Variants in LGALS2 observed in about 807,000 individuals in gnomAD.
LGALS2 encodes the protein galectin 2.
A neutral mutation model predicts 10.1 loss-of-function variants in LGALS2; 7 were observed. The observed-to-expected ratio is 0.70, with a 90% CI of 0.40 to 1.31. The LOEUF is 1.31. Among genes scored for constraint, LGALS2 ranks in the 50% most tolerant of loss-of-function variants. The probability of loss-of-function intolerance (pLI) is 0.01; values close to 1 mark genes in which losing one functional copy is unlikely to be tolerated. For missense variants in LGALS2, 167 were observed against 163.6 expected, an observed-to-expected ratio of 1.02 and a Z score of -0.11; for synonymous variants, 86 against 64.2, an observed-to-expected ratio of 1.34 and a Z score of -1.63.
chr22:37,575,600 A>T (rs1329900631), intron 1 of LGALS2, among the ~76,000 whole-genome samples: 1 of 150,574 alleles, frequency 6.6e-6, no homozygotes, highest in Non-Finnish European at 1.5e-5. Flanking sequence ...AGCCTGGACC[A>T]CAGGCATCCC....
intron 1 of LGALS2, among the ~76,000 whole-genome samples, chr22:37,579,681 G>A (rs1009869873): frequency 1.3e-5 from 2 of 152,252 alleles, no homozygotes; most frequent in African/African-American, 4.8e-5. Context: ...TGATCCACCA[G>A]CCTCGGCCTC....
intron 1 of LGALS2, among the ~76,000 whole-genome samples, chr22:37,572,622 C>T (rs1471700307): frequency 6.6e-6 from 1 of 151,818 alleles, no homozygotes; most frequent in Non-Finnish European, 1.5e-5. Flanking sequence ...AAAAAGTTAG[C>T]CGGGTGTGGT....
At chr22:37,573,412 G>C (rs1291572251) in intron 1 of LGALS2, among the ~76,000 whole-genome samples, 1 of 152,172 alleles carries the variant, frequency 6.6e-6, no homozygotes, top group Non-Finnish European at 1.5e-5. Flanking sequence ...AAAAACAGTT[G>C]ATAGCCTGGG....
At chr22:37,577,291 C>A (rs1187508860) in intron 1 of LGALS2, among the ~76,000 whole-genome samples, 1 of 151,998 alleles carries the variant, frequency 6.6e-6, no homozygotes, top group Non-Finnish European at 1.5e-5. Flanking sequence ...TCCTGCATCC[C>A]CCCTGCACTT....
At chr22:37,573,864 G>A (rs1278076660) in intron 1 of LGALS2, among the ~76,000 whole-genome samples, 1 of 151,810 alleles carries the variant, frequency 6.6e-6, no homozygotes, top group Non-Finnish European at 1.5e-5. Flanking sequence ...CCGAGTAGCT[G>A]GGACTACAGG....
chr22:37,578,503 A>AT (rs1015908159), intron 1 of LGALS2, among the ~76,000 whole-genome samples: 15 of 151,906 alleles, frequency 9.9e-5, no homozygotes, highest in East Asian at 3.9e-4. Context: ...CCAAGCTGAG[A>AT]TTTTTTTTTA....
intron 1 of LGALS2, among the ~76,000 whole-genome samples, chr22:37,574,371 C>G (rs936667245): frequency 2.0e-5 from 3 of 152,040 alleles, no homozygotes; most frequent in African/African-American, 7.2e-5. Context: ...CAAAAATTAG[C>G]CGGGTGTGGT....
chr22:37,572,825 T>C (rs1472678803), intron 1 of LGALS2, among the ~76,000 whole-genome samples: 1 of 145,914 alleles, frequency 6.9e-6, no homozygotes, highest in East Asian at 2.0e-4. Flanking sequence ...AAATAAATTA[T>C]CTGCGCATGG....
At chr22:37,571,389 C>T (rs1326060943) in intron 2 of LGALS2, among the ~76,000 whole-genome samples, 1 of 152,218 alleles carries the variant, frequency 6.6e-6, no homozygotes, top group Non-Finnish European at 1.5e-5. Context: ...GACTGTGACT[C>T]ACGGAGGTGG....
In LGALS2 at chr22:37,579,967, T is replaced by C. The variant is rs1358646722; in HGVS notation, c.-62A>G. ...GGAGGCCTGTGCTCAGGGTCTCAACTCGTGGTCAAGCTTATATCCTAGAAT... is the reference window on the plus strand; with the variant it reads ...GGAGGCCTGTGCTCAGGGTCTCAACCCGTGGTCAAGCTTATATCCTAGAAT... On this transcript the variant is annotated 5_prime_UTR_variant, in exon 1 of 4. Coordinates refer to ENST00000215886, the MANE Select transcript of LGALS2 (RefSeq NM_006498.3). The C allele has an allele frequency of 1.3e-6, 2 of 1,592,446 alleles. No homozygotes were observed. Among genetic ancestry groups the C allele is most frequent in the Non-Finnish European group, 1.7e-6 (2 of 1,163,618 alleles).
rs1925453826 is a variant in LGALS2 at position 37,570,338 on chromosome 22, C to G, written c.324G>C (p.Arg108Ser). 2 of 1,613,978 alleles carry G rather than the reference C, an allele frequency of 1.2e-6. No individual in the cohort carries two copies. The highest frequency in any genetic ancestry group is 1.3e-5 in the African/African-American group (1 of 74,916). The change falls in exon 4 of 4, where the codon AGG becomes AGC. Residue 108 changes from arginine to serine, a missense_variant. Transcript: ENST00000215886. ...GGTAGCTCAGGTGGCTGTGACCCAG[C>G]CTGTTGGGAAAAGTCAGCTCGTGCC... ...PDGHELTFPN[R>S]LGHSHLSYLS...
chr22:37,576,841 A>G (rs771195491), intron 1 of LGALS2, among the ~76,000 whole-genome samples: 5 of 152,196 alleles, frequency 3.3e-5, no homozygotes, highest in Non-Finnish European at 7.3e-5. Flanking sequence ...AAGCACTCGG[A>G]AGTCCAGGGT....
At chr22:37,579,534 G>C (rs9610809) in intron 1 of LGALS2, among the ~76,000 whole-genome samples, 1 of 152,094 alleles carries the variant, frequency 6.6e-6, no homozygotes, top group Non-Finnish European at 1.5e-5. Flanking sequence ...CCAGGTCCAA[G>C]TGATTCTCCT....
At chr22:37,570,539 G>A (rs761791581) in intron 3 of LGALS2, 37 bp downstream of exon 3, 3 of 1,613,114 alleles carry the variant, frequency 1.9e-6, no homozygotes, top group South Asian at 1.1e-5. Context: ...CCCTCCCCTT[G>A]ACATCACCCC....
In LGALS2 at chr22:37,571,860, A is replaced by G. The variant is rs917409689; in HGVS notation, c.78T>C (p.Asp26=). The G allele has an allele frequency of 1.2e-6, 2 of 1,613,832 alleles. No individual in the cohort carries two copies. Among genetic ancestry groups the G allele is most frequent in the Non-Finnish European group, 1.7e-6 (2 of 1,179,908 alleles). The change falls in exon 2 of 4, where the codon GAT becomes GAC. Residue 26 remains aspartate, a synonymous_variant. Coordinates refer to ENST00000215886, the MANE Select transcript of LGALS2 (RefSeq NM_006498.3). ...STLKITGSIA[D]GTDGFVINLG... ...GAAACCTTGCTCACCCATCAGTGCCATCGGCGATGCTGCCTGTGATCTTCA... is the reference window on the plus strand; with the variant it reads ...GAAACCTTGCTCACCCATCAGTGCCGTCGGCGATGCTGCCTGTGATCTTCA...
chr22:37,579,761 T>G (rs958844755), intron 1 of LGALS2, 139 bp downstream of exon 1: 1 of 862,488 alleles, frequency 1.2e-6, no homozygotes, highest in Non-Finnish European at 1.8e-6. Flanking sequence ...AAAAAAGACC[T>G]CTGTCCAACT....
chr22:37,577,655 AG>A (rs1000981786), intron 1 of LGALS2, among the ~76,000 whole-genome samples: 64 of 152,100 alleles, frequency 4.2e-4, no homozygotes, highest in Non-Finnish European at 5.9e-5. Context: ...CTGGGATTAC[AG>A]GGGTGAGCCA....
Position 37,579,813 on chromosome 22 carries a change from C to T in LGALS2, c.6+87G>A, listed in dbSNP as rs1351233036. ...GGGGAAACTGAGGCCCAGAGAGGGA[C>T]AGCAATGGTTTTCCCTAAAAGCCCC... is the stretch of plus-strand genomic sequence containing the variant. On this transcript the variant is annotated intron_variant, in intron 1 of 3. Coordinates refer to ENST00000215886, the MANE Select transcript of LGALS2 (RefSeq NM_006498.3). 3.6e-6 allele frequency: 5 copies of T among 1,386,772 alleles called. No individual in the cohort carries two copies. The East Asian group carries it at 7.1e-5, about 20-fold the overall frequency. The allele number at this position is 1,386,772 out of a possible 1,614,324, so 85.9% of individuals were successfully genotyped here. A position where few individuals can be genotyped will look rare whatever the true frequency, so the allele number is the denominator to read the frequency against.
intron 1 of LGALS2, among the ~76,000 whole-genome samples, chr22:37,577,017 A>C (rs1925703719): frequency 6.6e-6 from 1 of 151,266 alleles, no homozygotes; most frequent in Non-Finnish European, 1.5e-5. Flanking sequence ...GGGGGCCCAG[A>C]CTCTAGTGCC....
Sources: allele counts gnomAD v4.1 joint callset (sites outside exome capture counted in the v4.1 genomes callset), GRCh38; gene constraint gnomAD v4.1.1; transcripts MANE v1.5; gene names NCBI Gene and HGNC (gene_info 2026-07-23, HGNC 2026-07-21).